Variants in HS3ST5 observed in about 807,000 individuals in gnomAD.
HS3ST5 encodes heparan sulfate-glucosamine 3-sulfotransferase 5.
HS3ST5 carries 10 observed loss-of-function variants against 25.4 expected under a neutral mutation model. The observed-to-expected ratio is 0.39, with a 90% CI of 0.24 to 0.67. The LOEUF (loss-of-function observed/expected upper bound fraction) is 0.67, where lower values mean the gene tolerates loss of function less well. Among genes scored for constraint, HS3ST5 ranks in the 30% least tolerant of loss-of-function variants. HS3ST5 has a pLI of 0.44. For missense variants in HS3ST5, 324 were observed against 420.7 expected (o/e 0.77, Z 2.01); for synonymous variants, 170 against 162.4 (o/e 1.05, Z -0.36).
intron 3 of HS3ST5, among the ~76,000 whole-genome samples, chr6:114,160,558 A>G (rs1778897930): frequency 6.6e-6 from 1 of 152,154 alleles, no homozygotes; most frequent in African/African-American, 2.4e-5. Flanking sequence ...AGAAAACCTT[A>G]GAAAGTATTA....
chr6:114,341,282 C>A (rs1372407762), intron 1 of HS3ST5, among the ~76,000 whole-genome samples: 1 of 130,190 alleles, frequency 7.7e-6, no homozygotes, highest in Non-Finnish European at 1.6e-5. Context: ...CGGGTGAAGA[C>A]AGGGTAGACC....
At chr6:114,285,474 A>G (rs1774298059) in intron 1 of HS3ST5, among the ~76,000 whole-genome samples, 1 of 152,114 alleles carries the variant, frequency 6.6e-6, no homozygotes, top group Non-Finnish European at 1.5e-5. Context: ...GTATACGTCC[A>G]GTGAAATACT....
chr6:114,335,775 C>T (rs1332868898), intron 1 of HS3ST5, among the ~76,000 whole-genome samples: 1 of 152,018 alleles, frequency 6.6e-6, no homozygotes, highest in African/African-American at 2.4e-5. Context: ...CTGCATCAGC[C>T]TCCTGAGTAG....
chr6:114,063,444 G>A (rs2094087895), intron 3 of HS3ST5, among the ~76,000 whole-genome samples: 1 of 151,688 alleles, frequency 6.6e-6, no homozygotes, highest in African/African-American at 2.4e-5. Context: ...GAACCCAAGA[G>A]GTGGAGGTTG....
At chr6:114,106,615 G>T (rs995737025) in intron 3 of HS3ST5, among the ~76,000 whole-genome samples, 2 of 152,062 alleles carry the variant, frequency 1.3e-5, no homozygotes, top group Admixed American at 6.5e-5. Context: ...TCTAGAAGTT[G>T]GGAGAATATT....
intron 1 of HS3ST5, among the ~76,000 whole-genome samples, chr6:114,244,556 G>A (rs921600964): frequency 2.0e-5 from 3 of 152,142 alleles, no homozygotes; most frequent in Admixed American, 6.5e-5. Flanking sequence ...ATTTGAGCAC[G>A]ATGTTTTCTT....
At chr6:114,278,804 C>T (rs977274252) in intron 1 of HS3ST5, among the ~76,000 whole-genome samples, 14 of 151,996 alleles carry the variant, frequency 9.2e-5, no homozygotes, top group Admixed American at 6.6e-5. Flanking sequence ...TTCATGCACA[C>T]ATGTAGATCT....
chr6:114,301,138 T>C (rs1408365560), intron 1 of HS3ST5, among the ~76,000 whole-genome samples: 1 of 152,208 alleles, frequency 6.6e-6, no homozygotes, highest in African/African-American at 2.4e-5. Flanking sequence ...ACTGCTGAAC[T>C]GTATGCTTTA....
chr6:114,225,200 G>C (rs1782236254), intron 2 of HS3ST5, among the ~76,000 whole-genome samples: 1 of 151,684 alleles, frequency 6.6e-6, no homozygotes, highest in Non-Finnish European at 1.5e-5. Context: ...ACTTCCAATA[G>C]CATGACTTAT....
intron 2 of HS3ST5, among the ~76,000 whole-genome samples, chr6:114,198,761 T>C (rs1301551452): frequency 6.6e-6 from 1 of 152,172 alleles, no homozygotes; most frequent in Non-Finnish European, 1.5e-5. Context: ...TAAGTAGAAA[T>C]GAGAGATTAA....
chr6:114,211,075 G>C (rs962545259), intron 2 of HS3ST5, among the ~76,000 whole-genome samples: 1 of 152,206 alleles, frequency 6.6e-6, no homozygotes, highest in African/African-American at 2.4e-5. Context: ...CATGGCTGCA[G>C]ATGTGACCAA....
chr6:114,211,503 C>T (rs150219614), intron 2 of HS3ST5, among the ~76,000 whole-genome samples: 1 of 152,238 alleles, frequency 6.6e-6, no homozygotes, highest in East Asian at 1.9e-4. Flanking sequence ...ATTATACAAA[C>T]ATTTTATATG....
intron 1 of HS3ST5, among the ~76,000 whole-genome samples, chr6:114,256,389 A>G (rs534017837): frequency 6.7e-6 from 1 of 148,820 alleles, no homozygotes; most frequent in Non-Finnish European, 1.5e-5. Context: ...CTCCCTCTCA[A>G]AAAAAAAAAA....
intron 1 of HS3ST5, among the ~76,000 whole-genome samples, chr6:114,284,823 A>G (rs566981246): frequency 2.3e-4 from 35 of 152,064 alleles, no homozygotes; most frequent in African/African-American, 8.2e-4. Flanking sequence ...ATCAGAGTAG[A>G]ACAGTACTAA....
chr6:114,243,301 G>A (rs1440011478), intron 1 of HS3ST5, among the ~76,000 whole-genome samples: 1 of 152,012 alleles, frequency 6.6e-6, no homozygotes, highest in Non-Finnish European at 1.5e-5. Flanking sequence ...AAATGATGCA[G>A]AAGTGAAATC....
chr6:114,106,629 C>T (rs1381524900), intron 3 of HS3ST5, among the ~76,000 whole-genome samples: 1 of 152,070 alleles, frequency 6.6e-6, no homozygotes. Flanking sequence ...GAATATTTAA[C>T]ATGAAGTTAA....
At chr6:114,133,317 T>C (rs768344963) in intron 3 of HS3ST5, among the ~76,000 whole-genome samples, 2 of 152,334 alleles carry the variant, frequency 1.3e-5, no homozygotes, top group Non-Finnish European at 2.9e-5. Flanking sequence ...ACCTGAGAGT[T>C]TCTCTAGCCC....
chr6:114,093,700 G>A (rs1048141796), intron 3 of HS3ST5, among the ~76,000 whole-genome samples: 1 of 151,904 alleles, frequency 6.6e-6, no homozygotes, highest in African/African-American at 2.4e-5. Context: ...CATGATGACA[G>A]ATGCATGGAC....
chr6:114,118,500 T>C (rs1485035598), intron 3 of HS3ST5, among the ~76,000 whole-genome samples: 6 of 152,208 alleles, frequency 3.9e-5, no homozygotes, highest in African/African-American at 1.4e-4. Flanking sequence ...AGCAATTATA[T>C]GGGGTTATTA....
Sources: allele counts gnomAD v4.1 joint callset (sites outside exome capture counted in the v4.1 genomes callset), GRCh38; gene constraint gnomAD v4.1.1; transcripts MANE v1.5; gene names NCBI Gene and HGNC (gene_info 2026-07-23, HGNC 2026-07-21).